Variants in TMEM178A observed in about 807,000 individuals in gnomAD.
TMEM178A encodes transmembrane protein 178.
TMEM178A carries 12 observed loss-of-function variants against 29.1 expected under a neutral mutation model. The ratio of observed to expected loss-of-function variants is 0.41; its 90% CI spans 0.26 to 0.67. The LOEUF (loss-of-function observed/expected upper bound fraction) is 0.67. Ranked by LOEUF, TMEM178A falls within the 30% of genes least tolerant of loss-of-function variation. The pLI is 0.29. For missense variants in TMEM178A, 366 were observed against 419.1 expected (o/e 0.87, Z 1.11); for synonymous variants, 210 against 187.2 (o/e 1.12, Z -0.99).
At chr2:39,700,969 T>A (rs888668201) in intron 1 of TMEM178A, among the ~76,000 whole-genome samples, 1 of 152,084 alleles carries the variant, frequency 6.6e-6, no homozygotes. Context: ...ATCCCCACTC[T>A]CCTCCTCCAT....
At chr2:39,708,647 G>C (rs908828421) in intron 3 of TMEM178A, among the ~76,000 whole-genome samples, 2 of 151,660 alleles carry the variant, frequency 1.3e-5, no homozygotes, top group Non-Finnish European at 2.9e-5. Context: ...TCGATCTCCT[G>C]ACCTCGTGAT....
intron 1 of TMEM178A, among the ~76,000 whole-genome samples, chr2:39,668,290 G>A (rs979057740): frequency 1.3e-5 from 2 of 152,196 alleles, no homozygotes; most frequent in African/African-American, 4.8e-5. Context: ...ACTTCCGTAA[G>A]ACGGAACTCA....
chr2:39,717,183 A>T lies in TMEM178A; in HGVS notation c.826A>T (p.Ile276Phe). 1 of 1,613,442 alleles carries T rather than the reference A, an allele frequency of 6.2e-7. No individual in the cohort carries two copies. The highest frequency in any genetic ancestry group is 8.5e-7 in the Non-Finnish European group (1 of 1,179,944). ...GFIVAAGGLCIAYPFISRTKI... is the reference protein window; with the variant it reads ...GFIVAAGGLCFAYPFISRTKI... ...TATTGTGGCAGCTGGAGGTCTCTGC[A>T]TCGCTTATCCGTTTATTAGCCGGAC... is the stretch of plus-strand genomic sequence containing the variant. The change falls in exon 4 of 4, where the codon ATC (isoleucine) becomes TTC (phenylalanine). Residue 276 changes from isoleucine to phenylalanine, a missense_variant. Ile to Phe is a conservative substitution (Grantham distance 21). Around this residue, in one of 2 missense-constraint regions of TMEM178A, gnomAD observed 119 missense variants for 172.2 expected, o/e 0.69. Coordinates refer to ENST00000281961, the MANE Select transcript of TMEM178A (RefSeq NM_152390.3).
intron 1 of TMEM178A, among the ~76,000 whole-genome samples, chr2:39,667,729 C>T (rs1670233852): frequency 6.6e-6 from 1 of 152,194 alleles, no homozygotes. Context: ...AATCTGTCTG[C>T]GTGTGGAAGG....
downstream of TMEM178A, among the ~76,000 whole-genome samples, chr2:39,721,477 G>GCCT (rs1672700843): frequency 6.6e-6 from 1 of 152,080 alleles, no homozygotes; most frequent in Non-Finnish European, 1.5e-5. Flanking sequence ...TATAAGGTCT[G>GCCT]GCTATGCTTG....
At chr2:39,675,928 C>T (rs185597949) in intron 1 of TMEM178A, among the ~76,000 whole-genome samples, 8 of 151,290 alleles carry the variant, frequency 5.3e-5, no homozygotes, top group Non-Finnish European at 7.4e-5. Flanking sequence ...TACAGGCATG[C>T]TCTACCATGC....
At position 39,714,591 on chromosome 2, in the gene TMEM178A, A is replaced by G. The variant is rs535584805; in HGVS notation, c.653-2419A>G. Among the ~76,000 whole-genome samples the G allele has an allele frequency of 1.4e-3, 213 of 152,332 alleles. 1 individual carries two copies. The highest frequency in any genetic ancestry group is 1.0e-3 in the Non-Finnish European group (68 of 68,036). Reference sequence around the variant, plus strand: ...AAATTCTGTTAATGACATCATTCACAGTGTCCATGAGGTAAGCACAAATCA... The same window carrying G: ...AAATTCTGTTAATGACATCATTCACGGTGTCCATGAGGTAAGCACAAATCA... On this transcript the variant is annotated intron_variant, in intron 3 of 3. Transcript: ENST00000281961.
At chr2:39,716,248 C>A (rs1193343040) in intron 3 of TMEM178A, among the ~76,000 whole-genome samples, 2 of 152,216 alleles carry the variant, frequency 1.3e-5, no homozygotes, top group African/African-American at 4.8e-5. Flanking sequence ...GAATTGAGTA[C>A]TAAAAATCCT....
upstream of TMEM178A, chr2:39,665,701 T>G (rs1182576918): frequency 3.8e-5 from 9 of 237,118 alleles, no homozygotes; most frequent in African/African-American, 6.6e-5. Context: ...GAGAGGGGGC[T>G]GGGGAAGAGG....
At chr2:39,690,675 G>A (rs1217432884) in intron 1 of TMEM178A, among the ~76,000 whole-genome samples, 2 of 152,152 alleles carry the variant, frequency 1.3e-5, no homozygotes, top group Non-Finnish European at 2.9e-5. Flanking sequence ...AGCCTTCAAG[G>A]AAAATGAAGA....
chr2:39,682,543 C>G (rs376622142), intron 1 of TMEM178A, among the ~76,000 whole-genome samples: 1 of 152,056 alleles, frequency 6.6e-6, no homozygotes, highest in African/African-American at 2.4e-5. Flanking sequence ...ATAGATGAAG[C>G]AAGTAGATAC....
At chr2:39,715,250 A>C (rs1296537378) in intron 3 of TMEM178A, among the ~76,000 whole-genome samples, 3 of 152,212 alleles carry the variant, frequency 2.0e-5, no homozygotes, top group Non-Finnish European at 4.4e-5. Context: ...AATGCAGAAT[A>C]AAGTTGTTTT....
intron 1 of TMEM178A, among the ~76,000 whole-genome samples, chr2:39,669,916 T>G (rs1205525475): frequency 6.6e-6 from 1 of 152,198 alleles, no homozygotes; most frequent in African/African-American, 2.4e-5. Context: ...ATGTGCAAGG[T>G]AATGTTAGAA....
At chr2:39,730,313 C>T in the TMEM178A span, among the ~76,000 whole-genome samples, 1 of 152,134 alleles carries the variant, frequency 6.6e-6, no homozygotes, top group East Asian at 1.9e-4. Flanking sequence ...GGGGGCACCT[C>T]TTTTCTCAGA....
chr2:39,722,678 C>T (rs1348245247), downstream of TMEM178A, among the ~76,000 whole-genome samples: 2 of 152,224 alleles, frequency 1.3e-5, no homozygotes, highest in Non-Finnish European at 2.9e-5. Flanking sequence ...GTTTAAATCA[C>T]AGCAGATAGA....
At chr2:39,726,606 T>C in the TMEM178A span, among the ~76,000 whole-genome samples, 80,764 of 151,896 alleles carry the variant, frequency 0.53, 22,857 homozygotes, top group East Asian at 0.77. Context: ...GCCCAGTGAA[T>C]GAATTGTCCT....
At chr2:39,676,268 G>A (rs1384929239) in intron 1 of TMEM178A, among the ~76,000 whole-genome samples, 1 of 152,202 alleles carries the variant, frequency 6.6e-6, no homozygotes, top group Non-Finnish European at 1.5e-5. Flanking sequence ...ATTATCTTGT[G>A]TAACAGGACG....
intron 2 of TMEM178A, among the ~76,000 whole-genome samples, chr2:39,706,366 C>G (rs1231414419): frequency 6.6e-6 from 1 of 152,180 alleles, no homozygotes; most frequent in African/African-American, 2.4e-5. Flanking sequence ...GAAGGCATTT[C>G]TGAGCAGATG....
rs999483452 is a variant in TMEM178A, at chr2:39,696,032, G to T, written c.401-8049G>T. Among the ~76,000 whole-genome samples the T allele has an allele frequency of 5.9e-5, 9 of 152,096 alleles. 1 individual carries two copies. The highest frequency in any genetic ancestry group is 2.6e-4 in the Admixed American group (4 of 15,264). ...TATTAAGTTAATGATACTGTAAAAGGCAGGTAGATGTAACAAAAATCTTAA... is the reference window on the plus strand; with the variant it reads ...TATTAAGTTAATGATACTGTAAAAGTCAGGTAGATGTAACAAAAATCTTAA... On this transcript the variant is annotated intron_variant, in intron 1 of 3. Transcript: ENST00000281961.
Sources: allele counts gnomAD v4.1 joint callset (sites outside exome capture counted in the v4.1 genomes callset), GRCh38; gene constraint gnomAD v4.1.1; regional missense constraint gnomAD v4.1.1; transcripts MANE v1.5; gene names NCBI Gene and HGNC (gene_info 2026-07-23, HGNC 2026-07-21).